The following SV2C variants were observed in gnomAD, a reference collection of about 807,000 sequenced individuals.
The protein encoded by SV2C is synaptic vesicle glycoprotein 2C.
A neutral mutation model predicts 79.7 loss-of-function variants in SV2C; 49 were observed. The ratio of observed to expected loss-of-function variants is 0.61; its 90% CI spans 0.49 to 0.78. SV2C has a LOEUF of 0.78. Among genes scored for constraint, SV2C ranks in the 30% least tolerant of loss-of-function variants. SV2C has a pLI of 0.00. For synonymous variants in SV2C, 334 were observed against 333.2 expected (o/e 1.00, Z -0.03); for missense variants, 833 against 912.9 (o/e 0.91, Z 1.13).
chr5:76,090,090 A>C (rs552782112), intron 1 of SV2C, among the ~76,000 whole-genome samples: 1 of 152,182 alleles, frequency 6.6e-6, no homozygotes, highest in African/African-American at 2.4e-5. Flanking sequence ...ACCTAATGCA[A>C]GGTAGTCCAG....
intron 4 of SV2C, among the ~76,000 whole-genome samples, chr5:76,272,453 A>G (rs184545482): frequency 6.6e-6 from 1 of 152,294 alleles, no homozygotes; most frequent in East Asian, 1.9e-4. Context: ...TTGGAATACT[A>G]TTGTTGGGCT....
At chr5:76,254,162 GTGTGTGTGTGTATATATA>G (rs1188682157) in intron 4 of SV2C, among the ~76,000 whole-genome samples, 8 of 144,370 alleles carry the variant, frequency 5.5e-5, no homozygotes, top group Non-Finnish European at 1.1e-4. Flanking sequence ...ATATATATAT[GTGTGTGTGTGTATATATA>G]TGTGTGTGTG....
chr5:75,944,371 A>C, the SV2C span, among the ~76,000 whole-genome samples: 1 of 152,172 alleles, frequency 6.6e-6, no homozygotes, highest in African/African-American at 2.4e-5. Flanking sequence ...TGATTGATAT[A>C]TATGCATGTT....
the SV2C span, among the ~76,000 whole-genome samples, chr5:75,902,731 C>T: frequency 3.9e-5 from 6 of 152,270 alleles, no homozygotes; most frequent in African/African-American, 1.4e-4. Context: ...GAAACTGGCT[C>T]ATAATTTGCT....
the SV2C span, among the ~76,000 whole-genome samples, chr5:76,016,186 C>T: frequency 7.1e-6 from 1 of 141,368 alleles, no homozygotes; most frequent in East Asian, 2.1e-4. Context: ...TGCCAGCCAT[C>T]ATAGGAATTA....
At chr5:76,122,878 C>T (rs922672981) in intron 1 of SV2C, among the ~76,000 whole-genome samples, 1 of 151,806 alleles carries the variant, frequency 6.6e-6, no homozygotes, top group African/African-American at 2.4e-5. Context: ...AAAATCAGAG[C>T]AGAACTGAAG....
chr5:76,133,256 T>C (rs1748962957), intron 2 of SV2C, among the ~76,000 whole-genome samples: 1 of 152,236 alleles, frequency 6.6e-6, no homozygotes, highest in South Asian at 2.1e-4. Context: ...AACACGTTTA[T>C]GTGCATGTTA....
the SV2C span, among the ~76,000 whole-genome samples, chr5:75,906,780 G>A: frequency 3.5e-4 from 53 of 152,062 alleles, no homozygotes; most frequent in African/African-American, 1.3e-3. Flanking sequence ...GTCCTCACTG[G>A]CACATCTTAC....
intron 12 of SV2C, among the ~76,000 whole-genome samples, chr5:76,307,901 TG>T (rs1748259049): frequency 6.6e-6 from 1 of 152,208 alleles, no homozygotes. Flanking sequence ...TTTCCATTTT[TG>T]CCGTGATGCT....
chr5:76,274,629 C>T (rs1436866147), intron 4 of SV2C, among the ~76,000 whole-genome samples: 1 of 151,742 alleles, frequency 6.6e-6, no homozygotes, highest in Non-Finnish European at 1.5e-5. Context: ...AACTATCTCC[C>T]CTCCATGTGC....
chr5:75,856,095 C>T, the SV2C span, among the ~76,000 whole-genome samples: 1 of 152,182 alleles, frequency 6.6e-6, no homozygotes, highest in African/African-American at 2.4e-5. Context: ...TCTCCAGTTC[C>T]ATCCATGTTG....
chr5:75,968,905 A>T, the SV2C span, among the ~76,000 whole-genome samples: 3,392 of 152,304 alleles, frequency 0.022, 95 homozygotes, highest in East Asian at 0.07. Flanking sequence ...GAAGGAAAAA[A>T]TGTTAACGGC....
At chr5:76,272,754 G>A (rs1204241209) in intron 4 of SV2C, among the ~76,000 whole-genome samples, 1 of 152,136 alleles carries the variant, frequency 6.6e-6, no homozygotes, top group Non-Finnish European at 1.5e-5. Context: ...TTAGAGGCTA[G>A]TATTCCAACT....
chr5:75,851,857 G>A, the SV2C span, among the ~76,000 whole-genome samples: 2 of 152,130 alleles, frequency 1.3e-5, no homozygotes, highest in Non-Finnish European at 2.9e-5. Context: ...TAGAGACAGG[G>A]TTTCACCGTC....
the SV2C span, among the ~76,000 whole-genome samples, chr5:75,906,660 T>C: frequency 2.0e-5 from 3 of 152,278 alleles, no homozygotes; most frequent in African/African-American, 7.2e-5. Flanking sequence ...TCAGCTTTCT[T>C]TCTCTTTTTC....
At chr5:76,220,164 G>A (rs1032406059) in intron 4 of SV2C, among the ~76,000 whole-genome samples, 2 of 152,060 alleles carry the variant, frequency 1.3e-5, no homozygotes, top group South Asian at 4.1e-4. Flanking sequence ...GAAATAAATA[G>A]GATTATAAAT....
At chr5:76,237,848 C>T (rs769201308) in intron 4 of SV2C, among the ~76,000 whole-genome samples, 2 of 152,026 alleles carry the variant, frequency 1.3e-5, no homozygotes, top group Non-Finnish European at 2.9e-5. Context: ...GAGTTCTTAT[C>T]TACTCTTTAT....
intron 1 of SV2C, among the ~76,000 whole-genome samples, chr5:76,122,988 A>G (rs1748575522): frequency 6.6e-6 from 1 of 152,182 alleles, no homozygotes; most frequent in Non-Finnish European, 1.5e-5. Flanking sequence ...CCAATAAAGA[A>G]AAAAAGAGAG....
intron 10 of SV2C, 130 bp from the exon 11 acceptor site, chr5:76,300,599 C>A: frequency 1.1e-6 from 1 of 893,654 alleles, no homozygotes; most frequent in African/African-American, 1.7e-5. Flanking sequence ...AAAAGTCAAG[C>A]TAGCATAGGC....
Sources: allele counts gnomAD v4.1 joint callset (sites outside exome capture counted in the v4.1 genomes callset), GRCh38; gene constraint gnomAD v4.1.1; transcripts MANE v1.5; gene names NCBI Gene and HGNC (gene_info 2026-07-23, HGNC 2026-07-21).